The following ESRRG variants were observed in gnomAD, a reference collection of about 807,000 sequenced individuals.
The protein encoded by ESRRG is estrogen related receptor gamma.
Under a neutral mutation model 44.0 loss-of-function variants are expected in ESRRG, and 13 were observed. The ratio of observed to expected loss-of-function variants is 0.30; its 90% CI spans 0.19 to 0.47. ESRRG has a LOEUF of 0.47. Ranked by LOEUF, ESRRG falls within the 20% of genes least tolerant of loss-of-function variation. ESRRG has a pLI of 1.00. For missense variants in ESRRG, 395 were observed against 580.6 expected (o/e 0.68, Z 3.29); for synonymous variants, 215 against 214.6 (o/e 1.00, Z -0.02).
At chr1:216,851,814 G>T (rs977374808) in intron 2 of ESRRG, among the ~76,000 whole-genome samples, 3 of 151,868 alleles carry the variant, frequency 2.0e-5, no homozygotes, top group African/African-American at 7.3e-5. Flanking sequence ...GAACATTATA[G>T]AAATAAACAA....
At chr1:216,767,880 C>T (rs964676467) in intron 2 of ESRRG, among the ~76,000 whole-genome samples, 1 of 152,116 alleles carries the variant, frequency 6.6e-6, no homozygotes, top group East Asian at 1.9e-4. Flanking sequence ...CCCAACACAA[C>T]TCTTTCATAA....
chr1:216,689,934 C>T (rs2078752013), intron 1 of ESRRG, among the ~76,000 whole-genome samples: 1 of 151,996 alleles, frequency 6.6e-6, no homozygotes. Context: ...TTTTCACACA[C>T]ATAAGAGAGG....
At position 216,894,298 on chromosome 1, in the gene ESRRG, C is replaced by G. The variant is rs1235605880; in HGVS notation, c.-14+45284G>C. On this transcript the variant is annotated intron_variant, in intron 2 of 7. Transcript: ENST00000359162. ...GTACACAGTCTTAAAAAAATAGATG[C>G]CTTAAAGCCAATGCTCAATTTCTCT... Among the ~76,000 whole-genome samples the G allele has an allele frequency of 5.3e-5, 8 of 152,054 alleles. No homozygotes were observed. In the East Asian group the frequency reaches 1.5e-3, roughly 29 times the overall value.
At chr1:216,962,709 C>T (rs949181462) in intron 1 of ESRRG, among the ~76,000 whole-genome samples, 1 of 152,100 alleles carries the variant, frequency 6.6e-6, no homozygotes, top group Non-Finnish European at 1.5e-5. Context: ...TGTATAGGAA[C>T]CATTGAAATC....
chr1:216,659,837 C>G (rs1244553983), intron 2 of ESRRG, among the ~76,000 whole-genome samples: 2 of 152,130 alleles, frequency 1.3e-5, no homozygotes, highest in Admixed American at 6.5e-5. Context: ...TGCCCCCTTC[C>G]TGTCCCAACT....
intron 2 of ESRRG, among the ~76,000 whole-genome samples, chr1:216,828,130 G>C (rs769036156): frequency 5.3e-5 from 8 of 152,146 alleles, no homozygotes; most frequent in Non-Finnish European, 1.2e-4. Context: ...GAAAGAACCA[G>C]AGCTTGCACC....
chr1:217,015,115 C>G (rs912495242), intron 1 of ESRRG, among the ~76,000 whole-genome samples: 1 of 152,194 alleles, frequency 6.6e-6, no homozygotes, highest in African/African-American at 2.4e-5. Flanking sequence ...TTCTTGACAA[C>G]AGGTACCTCC....
At chr1:216,989,144 C>T (rs139756452) in intron 1 of ESRRG, among the ~76,000 whole-genome samples, 1 of 152,024 alleles carries the variant, frequency 6.6e-6, no homozygotes, top group Non-Finnish European at 1.5e-5. Flanking sequence ...CACCAGATAT[C>T]GGTGTCTTTT....
At chr1:216,580,303 T>C (rs190405300) in intron 3 of ESRRG, among the ~76,000 whole-genome samples, 141 of 152,306 alleles carry the variant, frequency 9.3e-4, no homozygotes, top group African/African-American at 3.2e-3. Context: ...TTTCAGTAAT[T>C]CTTGTTTGGC....
chr1:217,131,282 G>A (rs527544114), intron 1 of ESRRG, among the ~76,000 whole-genome samples: 11 of 151,830 alleles, frequency 7.2e-5, no homozygotes, highest in Admixed American at 3.3e-4. Flanking sequence ...TCTATTTAAA[G>A]GTTAATATGA....
chr1:217,101,960 C>A (rs1023042032), intron 1 of ESRRG, among the ~76,000 whole-genome samples: 1 of 152,086 alleles, frequency 6.6e-6, no homozygotes, highest in Non-Finnish European at 1.5e-5. Context: ...GCATGCGCCA[C>A]CACGCCTGGC....
At chr1:216,605,745 T>G (rs969668778) in intron 3 of ESRRG, among the ~76,000 whole-genome samples, 45 of 152,002 alleles carry the variant, frequency 3.0e-4, no homozygotes, top group African/African-American at 1.1e-3. Context: ...TTTCTGAGGA[T>G]CAATCATTAG....
At chr1:216,939,343 CAAAAAAAAAAAAA>C (rs201260010) in intron 2 of ESRRG, among the ~76,000 whole-genome samples, 2 of 50,084 alleles carry the variant, frequency 4.0e-5, no homozygotes, top group African/African-American at 1.2e-4. Context: ...TACACATAGA[CAAAAAAAAAAAAA>C]AAAAAAAAAA....
At chr1:217,111,975 G>A (rs568012563) in intron 1 of ESRRG, among the ~76,000 whole-genome samples, 1 of 152,214 alleles carries the variant, frequency 6.6e-6, no homozygotes, top group Non-Finnish European at 1.5e-5. Flanking sequence ...TTATAATGCA[G>A]CCAATGCCAC....
intron 1 of ESRRG, among the ~76,000 whole-genome samples, chr1:216,971,174 A>G (rs2071577734): frequency 6.6e-6 from 1 of 152,208 alleles, no homozygotes; most frequent in Non-Finnish European, 1.5e-5. Flanking sequence ...AAAAAAAAAT[A>G]TGTTCTCTCC....
chr1:217,110,195 G>T (rs190963832), intron 1 of ESRRG, among the ~76,000 whole-genome samples: 3 of 152,244 alleles, frequency 2.0e-5, no homozygotes, highest in Admixed American at 2.0e-4. Context: ...GCCAAATATG[G>T]CCTCAAAATT....
At chr1:216,569,190 GGGAAAGGAAAGGAAA>G (rs55924517) in intron 3 of ESRRG, among the ~76,000 whole-genome samples, 132 of 53,856 alleles carry the variant, frequency 2.5e-3, no homozygotes, top group African/African-American at 7.5e-3. Flanking sequence ...GGGAAGGGAA[GGGAAAGGAAAGGAAA>G]GGAAAGGAAA....
intron 3 of ESRRG, among the ~76,000 whole-genome samples, chr1:216,600,084 G>A (rs1181715814): frequency 6.6e-6 from 1 of 152,160 alleles, no homozygotes; most frequent in Non-Finnish European, 1.5e-5. Flanking sequence ...TCTTCTCTAG[G>A]AGCCGGAAGC....
intron 1 of ESRRG, among the ~76,000 whole-genome samples, chr1:216,976,223 T>C (rs920800893): frequency 1.3e-5 from 2 of 151,960 alleles, no homozygotes; most frequent in Admixed American, 6.6e-5. Flanking sequence ...TAACTCTAAA[T>C]GAGTAACCCA....
Sources: allele counts gnomAD v4.1 joint callset (sites outside exome capture counted in the v4.1 genomes callset), GRCh38; gene constraint gnomAD v4.1.1; transcripts MANE v1.5; gene names NCBI Gene and HGNC (gene_info 2026-07-23, HGNC 2026-07-21).